The following MCC variants were observed in gnomAD, a reference collection of about 807,000 sequenced individuals.
The protein encoded by MCC is colorectal mutant cancer protein.
MCC carries 90 observed loss-of-function variants against 116.2 expected under a neutral mutation model. That is an observed-to-expected ratio of 0.77 (90% CI 0.65 to 0.92). The LOEUF is 0.92. Among genes scored for constraint, MCC ranks in the 40% least tolerant of loss-of-function variants. MCC has a pLI of 0.00. For missense variants in MCC, 1,516 were observed against 1,312.2 expected (o/e 1.16, Z -2.40); for synonymous variants, 578 against 510.5 (o/e 1.13, Z -1.78).
intron 3 of MCC, among the ~76,000 whole-genome samples, chr5:113,242,839 G>A (rs377003718): frequency 6.6e-6 from 1 of 152,158 alleles, no homozygotes; most frequent in African/African-American, 2.4e-5. Flanking sequence ...AATCGAGAAA[G>A]CAAAGCCGTG....
chr5:113,106,427 C>T (rs1468908208), intron 6 of MCC, among the ~76,000 whole-genome samples: 1 of 152,154 alleles, frequency 6.6e-6, no homozygotes, highest in African/African-American at 2.4e-5. Flanking sequence ...TCCATTCACA[C>T]TCCTGGCCTT....
intron 10 of MCC, among the ~76,000 whole-genome samples, 171 bp downstream of exon 10, chr5:113,083,929 GA>G (rs1755029610): frequency 1.3e-5 from 2 of 152,172 alleles, no homozygotes; most frequent in Non-Finnish European, 2.9e-5. Context: ...CATATGGATG[GA>G]AATCATCATA....
intron 1 of MCC, among the ~76,000 whole-genome samples, chr5:113,427,966 C>T (rs756006744): frequency 3.1e-4 from 47 of 152,210 alleles, no homozygotes; most frequent in Middle Eastern, 3.4e-3. Flanking sequence ...CAGTGGAAAC[C>T]AGCTCCTCCA....
intron 5 of MCC, among the ~76,000 whole-genome samples, chr5:113,135,942 G>A (rs1032013968): frequency 3.3e-5 from 5 of 152,112 alleles, no homozygotes; most frequent in Non-Finnish European, 7.4e-5. Flanking sequence ...CTACTCAGGA[G>A]GGGGAGGCAC....
At chr5:113,433,907 C>T (rs1332155285) in intron 1 of MCC, 2 of 1,613,894 alleles carry the variant, frequency 1.2e-6, no homozygotes, top group African/African-American at 2.7e-5. Context: ...CAGGCTCCAG[C>T]TTGGTGGCAG....
chr5:113,194,753 T>C (rs1205126251), intron 3 of MCC, among the ~76,000 whole-genome samples: 1 of 152,210 alleles, frequency 6.6e-6, no homozygotes, highest in Non-Finnish European at 1.5e-5. Context: ...TGATGAGTGA[T>C]GAATGCTGCT....
At chr5:113,472,146 G>A (rs539448234) in intron 1 of MCC, among the ~76,000 whole-genome samples, 5 of 152,222 alleles carry the variant, frequency 3.3e-5, no homozygotes, top group South Asian at 2.1e-4. Flanking sequence ...TTTGGCTCAC[G>A]CACGGTGCGC....
chr5:113,424,920 GCTCA>G (rs1213405692), intron 1 of MCC, among the ~76,000 whole-genome samples: 9 of 151,808 alleles, frequency 5.9e-5, no homozygotes, highest in Non-Finnish European at 1.3e-4. Flanking sequence ...CAAAAAATAA[GCTCA>G]CTTTGCAATA....
chr5:113,189,954 T>C (rs182305300), intron 3 of MCC, among the ~76,000 whole-genome samples: 322 of 152,232 alleles, frequency 2.1e-3, no homozygotes, highest in Non-Finnish European at 2.9e-3. Flanking sequence ...AGAGCCTCAT[T>C]AGTCCACTGA....
chr5:113,064,258 G>T (rs1223057401), intron 13 of MCC, 91 bp from the exon 14 acceptor site: 1 of 1,186,198 alleles, frequency 8.4e-7, no homozygotes, highest in Non-Finnish European at 1.2e-6. Flanking sequence ...CTGTTACTTA[G>T]GGCAGAGGTG....
At position 113,087,337 on chromosome 5, in the gene MCC, G is replaced by C. The variant is rs1208451471; in HGVS notation, c.1399-2027C>G. On this transcript the variant is annotated intron_variant, in intron 8 of 18. Coordinates refer to ENST00000408903, the MANE Select transcript of MCC (RefSeq NM_001085377.2). ...GCCACGGTTCCAGTAACGGAGGATC[G>C]ATGGAAACGCTTGCTGTCCTCAAAA... is the stretch of plus-strand genomic sequence containing the variant. Among the ~76,000 whole-genome samples the C allele has an allele frequency of 3.3e-5, 5 of 152,190 alleles. No homozygotes were observed. In the South Asian group the frequency reaches 1.0e-3, roughly 32 times the overall value.
intron 3 of MCC, among the ~76,000 whole-genome samples, chr5:113,339,408 AGT>A (rs60886614): frequency 0.016 from 2,026 of 123,234 alleles, 17 homozygotes; most frequent in Middle Eastern, 0.042. Context: ...AGGCTTCCTT[AGT>A]GTGTGTGTGT....
At chr5:113,463,657 C>T (rs1771814097) in intron 1 of MCC, among the ~76,000 whole-genome samples, 1 of 152,092 alleles carries the variant, frequency 6.6e-6, no homozygotes, top group Non-Finnish European at 1.5e-5. Context: ...TTTAAAATGC[C>T]TTACAAATAC....
intron 3 of MCC, among the ~76,000 whole-genome samples, chr5:113,320,628 A>T (rs1767401745): frequency 6.6e-6 from 1 of 152,216 alleles, no homozygotes; most frequent in Admixed American, 6.5e-5. Flanking sequence ...AATTTTCAGG[A>T]ACCAGCAACT....
chr5:113,408,298 A>C (rs1225041442), intron 1 of MCC, among the ~76,000 whole-genome samples: 1 of 152,198 alleles, frequency 6.6e-6, no homozygotes, highest in Non-Finnish European at 1.5e-5. Context: ...CCTGAATTCT[A>C]TCTCTGGCAT....
At chr5:113,102,215 G>C (rs575312472) in intron 7 of MCC, among the ~76,000 whole-genome samples, 1 of 152,310 alleles carries the variant, frequency 6.6e-6, no homozygotes, top group African/African-American at 2.4e-5. Context: ...AGCTGAGTCT[G>C]TCTGTGGTGC....
rs776394499 is a variant in MCC at position 113,433,789 on chromosome 5, T to C, written c.171-48577A>G. 12 of 1,613,842 alleles carry C rather than the reference T, an allele frequency of 7.4e-6. No individual in the cohort carries two copies. The highest frequency in any genetic ancestry group is 9.3e-6 in the Non-Finnish European group (11 of 1,179,892). On this transcript the variant is annotated intron_variant, in intron 1 of 18. Coordinates refer to ENST00000408903, the MANE Select transcript of MCC (RefSeq NM_001085377.2). Reference sequence around the variant, plus strand: ...TGGGGGGGCCCTTCCTCTGTCTCCATAGTCGACGGCTTGCTGGGGAAACCC... The same window carrying C: ...TGGGGGGGCCCTTCCTCTGTCTCCACAGTCGACGGCTTGCTGGGGAAACCC...
chr5:113,032,786 T>C (rs73235125), intron 17 of MCC, among the ~76,000 whole-genome samples: 1,932 of 152,232 alleles, frequency 0.013, 30 homozygotes, highest in African/African-American at 0.044. Context: ...TGATAAAACA[T>C]TGCAGTAAAG....
intron 1 of MCC, among the ~76,000 whole-genome samples, chr5:113,399,260 C>A (rs956915401): frequency 6.6e-6 from 1 of 152,074 alleles, no homozygotes; most frequent in Non-Finnish European, 1.5e-5. Context: ...CCGAGGCAGG[C>A]GGATCACGAG....
Sources: gnomAD v4.1 joint callset for allele counts (sites outside exome capture counted in the v4.1 genomes callset) on GRCh38, gnomAD v4.1.1 for gene constraint, MANE v1.5 for transcripts, NCBI Gene and HGNC (gene_info 2026-07-23, HGNC 2026-07-21) for gene names.